GAS7: variants seen among roughly 807,000 people sequenced by gnomAD.
The protein encoded by GAS7 is growth arrest-specific protein 7.
Under a neutral mutation model 71.1 loss-of-function variants are expected in GAS7, and 28 were observed. That is an observed-to-expected ratio of 0.39 (90% CI 0.29 to 0.54). The LOEUF (loss-of-function observed/expected upper bound fraction) is 0.54, where lower values mean the gene tolerates loss of function less well. GAS7 is among the 20% of genes least tolerant of loss of function. The pLI is 0.62. For missense variants in GAS7, 436 were observed against 627.8 expected (o/e 0.69, Z 3.27); for synonymous variants, 258 against 245.8 (o/e 1.05, Z -0.46).
At chr17:10,085,933 CT>C (rs1199918118) in intron 1 of GAS7, among the ~76,000 whole-genome samples, 1 of 152,148 alleles carries the variant, frequency 6.6e-6, no homozygotes, top group East Asian at 1.9e-4. Flanking sequence ...TTGAAAAAGC[CT>C]AGCTCTTGTC....
At chr17:9,921,747 C>A (rs1167259664) in intron 11 of GAS7, among the ~76,000 whole-genome samples, 2 of 152,048 alleles carry the variant, frequency 1.3e-5, no homozygotes, top group African/African-American at 4.8e-5. Flanking sequence ...ATCACGAGGT[C>A]AGGACATCGA....
intron 1 of GAS7, among the ~76,000 whole-genome samples, chr17:10,024,556 A>G (rs897954714): frequency 1.3e-5 from 2 of 152,150 alleles, no homozygotes; most frequent in Non-Finnish European, 2.9e-5. Context: ...AGTTCTTTCT[A>G]ACTCAGAAAT....
intron 1 of GAS7, among the ~76,000 whole-genome samples, chr17:10,061,624 A>C (rs2073221029): frequency 6.6e-6 from 1 of 152,168 alleles, no homozygotes; most frequent in Non-Finnish European, 1.5e-5. Flanking sequence ...GCTTCGTCCA[A>C]AGATGCACAC....
At chr17:10,017,323 C>CTTTTTTTTT (rs1209394276) in intron 2 of GAS7, among the ~76,000 whole-genome samples, 1 of 142,052 alleles carries the variant, frequency 7.0e-6, no homozygotes, top group African/African-American at 2.6e-5. Context: ...TCATCTTCCA[C>CTTTTTTTTT]TTTTTTTTTT....
chr17:10,163,345 G>A (rs1049136814), intron 1 of GAS7, among the ~76,000 whole-genome samples: 2 of 151,776 alleles, frequency 1.3e-5, no homozygotes, highest in Middle Eastern at 3.4e-3. Context: ...GGCTGGTTTT[G>A]GAACTCCTGA....
At chr17:10,018,868 T>A (rs2072147922) in intron 2 of GAS7, among the ~76,000 whole-genome samples, 1 of 152,158 alleles carries the variant, frequency 6.6e-6, no homozygotes, top group Admixed American at 6.6e-5. Flanking sequence ...ACGATTTTCA[T>A]CTTTTGCCTT....
intron 1 of GAS7, among the ~76,000 whole-genome samples, chr17:10,135,147 T>C (rs560786041): frequency 6.6e-6 from 1 of 152,254 alleles, no homozygotes; most frequent in African/African-American, 2.4e-5. Flanking sequence ...CCTCTTTTAA[T>C]TACATGTAGA....
At chr17:10,068,510 C>G (rs932887746) in intron 1 of GAS7, among the ~76,000 whole-genome samples, 6 of 151,932 alleles carry the variant, frequency 3.9e-5, no homozygotes, top group African/African-American at 1.4e-4. Context: ...AATCCCAGCA[C>G]TTTGGGAGGC....
At chr17:10,140,756 A>G (rs968333730) in intron 1 of GAS7, among the ~76,000 whole-genome samples, 1 of 152,188 alleles carries the variant, frequency 6.6e-6, no homozygotes, top group African/African-American at 2.4e-5. Context: ...GTGTCCCTAG[A>G]GAAGCTGGAG....
intron 1 of GAS7, among the ~76,000 whole-genome samples, chr17:10,107,420 G>A (rs2073767329): frequency 6.6e-6 from 1 of 152,268 alleles, no homozygotes; most frequent in Non-Finnish European, 1.5e-5. Flanking sequence ...GTGGTGGCAG[G>A]CTGGGAAGGA....
intron 1 of GAS7, among the ~76,000 whole-genome samples, chr17:10,079,732 A>G (rs1401034500): frequency 6.6e-6 from 1 of 152,204 alleles, no homozygotes; most frequent in Non-Finnish European, 1.5e-5. Context: ...CCTTGGCCAC[A>G]TGTTCTCAGG....
At chr17:10,189,019 G>C (rs2074478238) in intron 1 of GAS7, among the ~76,000 whole-genome samples, 1 of 151,964 alleles carries the variant, frequency 6.6e-6, no homozygotes, top group South Asian at 2.1e-4. Flanking sequence ...CTTTGTTTTG[G>C]GTTTTGTTGT....
At position 10,032,437 on chromosome 17, in the gene GAS7, T is replaced by C. The variant is rs192425329; in HGVS notation, c.184-12540A>G. 1.2e-3 allele frequency among the ~76,000 whole-genome samples: 188 copies of C among 152,246 alleles called. 2 individuals are homozygous for C. Among genetic ancestry groups the C allele is most frequent in the African/African-American group, 4.4e-3 (182 of 41,558 alleles). On this transcript the variant is annotated intron_variant, in intron 1 of 13. Coordinates refer to ENST00000432992, the MANE Select transcript of GAS7 (RefSeq NM_201433.2). Reference sequence around the variant, plus strand: ...CCCCAACTCAGGATGACAAAAGCATTAGGAGACAGCACAAAGGCCTAGGCA... The same window carrying C: ...CCCCAACTCAGGATGACAAAAGCATCAGGAGACAGCACAAAGGCCTAGGCA...
At chr17:9,922,119 T>C (rs969009437) in intron 11 of GAS7, among the ~76,000 whole-genome samples, 7 of 152,156 alleles carry the variant, frequency 4.6e-5, no homozygotes, top group African/African-American at 1.7e-4. Context: ...GGAATAAATA[T>C]GTCAAAATAT....
At chr17:9,932,178 T>C (rs2068232327) in intron 9 of GAS7, among the ~76,000 whole-genome samples, 1 of 148,342 alleles carries the variant, frequency 6.7e-6, no homozygotes, top group African/African-American at 2.5e-5. Flanking sequence ...TGGTGCACTC[T>C]GAAAGGTCCC....
chr17:9,958,880 C>T (rs2069358137), intron 5 of GAS7: 6 of 753,384 alleles, frequency 8.0e-6, no homozygotes, highest in Admixed American at 4.2e-5. Flanking sequence ...ACATCACTTG[C>T]GCTGAGCACA....
chr17:9,959,348 G>A lies in GAS7; in HGVS notation c.472-93C>T, dbSNP rs180929425. On this transcript the variant is annotated intron_variant, in intron 4 of 13. Transcript: ENST00000432992. The surrounding 1 kb of genome is among the most constrained non-coding windows in gnomAD (Gnocchi z 5.0). ...GGTTCCCTGAGGGTGGAGGCGCTGG[G>A]GAATCAGGGATGCTCAGTCTGAATC... The A allele has an allele frequency of 8.2e-6, 13 of 1,587,132 alleles. No individual in the cohort carries two copies. The highest frequency in any genetic ancestry group is 6.7e-5 in the African/African-American group (5 of 74,702).
intron 1 of GAS7, among the ~76,000 whole-genome samples, chr17:10,160,808 T>G (rs2074248415): frequency 6.6e-6 from 1 of 152,114 alleles, no homozygotes; most frequent in Admixed American, 6.6e-5. Flanking sequence ...CTCAAACTCC[T>G]GGCCTCAAGC....
At chr17:9,983,529 G>A (rs1348237522) in intron 2 of GAS7, among the ~76,000 whole-genome samples, 8 of 150,864 alleles carry the variant, frequency 5.3e-5, no homozygotes, top group African/African-American at 1.7e-4. Flanking sequence ...GCTCATGTCT[G>A]TAATCCCAGC....
Sources: gnomAD v4.1 joint callset for allele counts (sites outside exome capture counted in the v4.1 genomes callset) on GRCh38, gnomAD v4.1.1 for gene constraint, Gnocchi (gnomAD v3.1) non-coding constraint, MANE v1.5 for transcripts, NCBI Gene and HGNC (gene_info 2026-07-23, HGNC 2026-07-21) for gene names.